LNX2: variants seen among roughly 807,000 people sequenced by gnomAD.
The protein encoded by LNX2 is ligand of Numb protein X 2.
Under a neutral mutation model 66.2 loss-of-function variants are expected in LNX2, and 35 were observed. The observed-to-expected ratio is 0.53, with a 90% CI of 0.40 to 0.70. The LOEUF (loss-of-function observed/expected upper bound fraction) is 0.70, where lower values mean the gene tolerates loss of function less well. Ranked by LOEUF, LNX2 falls within the 30% of genes least tolerant of loss-of-function variation. The probability of loss-of-function intolerance (pLI) is 0.00; values close to 1 mark genes in which losing one functional copy is unlikely to be tolerated. For synonymous variants in LNX2, 337 were observed against 315.6 expected, an observed-to-expected ratio of 1.07 and a Z score of -0.72; for missense variants, 791 against 850.8, an observed-to-expected ratio of 0.93 and a Z score of 0.87.
Position 27,550,459 on chromosome 13 carries a change from C to T in LNX2, c.1811G>A (p.Arg604Gln), listed in dbSNP as rs748832299. Reference protein sequence around the residue: ...TLHSCHDIVLRRSYLGSWGFS... With the variant: ...TLHSCHDIVLQRSYLGSWGFS... ...GCCCCAACTTCCCAAGTAACTTCTTCGTAAAACTATATCGTGGCAGCTATG... is the reference window on the plus strand; with the variant it reads ...GCCCCAACTTCCCAAGTAACTTCTTTGTAAAACTATATCGTGGCAGCTATG... The change falls in exon 9 of 10, where the codon CGA becomes CAA. Residue 604 changes from arginine to glutamine, a missense_variant. Physicochemically the swap from Arg to Gln is conservative, Grantham distance 43. Transcript: ENST00000316334. 1.5e-5 allele frequency: 25 copies of T among 1,613,722 alleles called. No homozygotes were observed. The highest frequency in any genetic ancestry group is 2.2e-5 in the East Asian group (1 of 44,872).
intron 1 of LNX2, among the ~76,000 whole-genome samples, chr13:27,583,255 T>TGTGCGCGCGC (rs1555268514): frequency 1.7e-5 from 1 of 58,530 alleles, no homozygotes. Flanking sequence ...TGTGTGTGTG[T>TGTGCGCGCGC]GCGCGCGTCC....
Position 27,615,357 on chromosome 13 carries a change from T to C in LNX2, c.-101+5018A>G, listed in dbSNP as rs559518754. On this transcript the variant is annotated intron_variant, in intron 1 of 9. Transcript: ENST00000316334. ...AGGTACGGGGAAGGGGTGCGGAGCG[T>C]CCATGCCCTCTCTGGGGCGTGTTAC... Among the ~76,000 whole-genome samples the C allele has an allele frequency of 5.9e-5, 9 of 152,332 alleles. No individual in the cohort carries two copies. The South Asian group carries it at 1.7e-3, about 28-fold the overall frequency.
chr13:27,570,897 C>A (rs774102910), intron 2 of LNX2, among the ~76,000 whole-genome samples: 1 of 152,106 alleles, frequency 6.6e-6, no homozygotes, highest in Non-Finnish European at 1.5e-5. Flanking sequence ...CAACTCTACA[C>A]CTTCACAAAC....
intron 1 of LNX2, among the ~76,000 whole-genome samples, chr13:27,595,826 TAATGGTATTTG>T (rs1019384220): frequency 6.6e-6 from 1 of 152,176 alleles, no homozygotes; most frequent in Non-Finnish European, 1.5e-5. Context: ...CCACCTCCCC[TAATGGTATTTG>T]TCACTTGTTA....
chr13:27,613,022 T>A (rs996252783), intron 1 of LNX2, among the ~76,000 whole-genome samples: 1 of 152,120 alleles, frequency 6.6e-6, no homozygotes, highest in Non-Finnish European at 1.5e-5. Context: ...ACAAATTGAC[T>A]GAAGGGTATG....
chr13:27,569,392 T>C (rs1955249795), intron 2 of LNX2, 116 bp from the exon 3 acceptor site: 4 of 1,063,308 alleles, frequency 3.8e-6, no homozygotes, highest in African/African-American at 1.6e-5. Flanking sequence ...GAAGTACCTA[T>C]AGGCAGCACA....
chr13:27,576,184 C>T (rs1483575250), intron 2 of LNX2, among the ~76,000 whole-genome samples: 1 of 151,998 alleles, frequency 6.6e-6, no homozygotes, highest in Non-Finnish European at 1.5e-5. Flanking sequence ...CCCCAAAATA[C>T]GTAAGTAAAA....
intron 1 of LNX2, among the ~76,000 whole-genome samples, chr13:27,593,671 G>A (rs12867052): frequency 0.11 from 15,853 of 148,958 alleles, 1,042 homozygotes; most frequent in Non-Finnish European, 0.14. Context: ...GGGTTCAAGC[G>A]ATTCTCCTGC....
chr13:27,597,484 A>G (rs1955611586), intron 1 of LNX2, among the ~76,000 whole-genome samples: 1 of 152,160 alleles, frequency 6.6e-6, no homozygotes, highest in African/African-American at 2.4e-5. Flanking sequence ...GATGCACTCT[A>G]TGTGGGTATA....
chr13:27,564,948 G>C (rs1314442805), intron 4 of LNX2, among the ~76,000 whole-genome samples: 1 of 152,206 alleles, frequency 6.6e-6, no homozygotes, highest in African/African-American at 2.4e-5. Flanking sequence ...AAGCCAACCA[G>C]AAGTCAGGGC....
At chr13:27,569,365 A>C in intron 2 of LNX2, 89 bp from the exon 3 acceptor site, 1 of 1,391,646 alleles carries the variant, frequency 7.2e-7, no homozygotes, top group South Asian at 1.4e-5. Flanking sequence ...CTTCTACACA[A>C]ACAGAACCAG....
intron 1 of LNX2, among the ~76,000 whole-genome samples, chr13:27,618,617 A>C (rs149035576): frequency 1.3e-5 from 2 of 152,316 alleles, no homozygotes; most frequent in East Asian, 3.9e-4. Flanking sequence ...AATCTGGTAT[A>C]AAAAATCCTT....
In LNX2 at chr13:27,546,421, C is replaced by T. The variant is rs908564425; in HGVS notation, c.*1914G>A. ...ATCAAAGCATTTCAAAATCAAACTG[C>T]TTCCAAAGCCAATCATCACACAACA... On this transcript the variant is annotated 3_prime_UTR_variant, in exon 10 of 10. Coordinates refer to ENST00000316334, the MANE Select transcript of LNX2 (RefSeq NM_153371.4). 2 of 152,208 alleles carry T rather than the reference C, an allele frequency of 1.3e-5. No individual in the cohort carries two copies. Among genetic ancestry groups the T allele is most frequent in the African/African-American group, 4.8e-5 (2 of 41,450 alleles). 9.4% of individuals were successfully genotyped at this position (152,208 alleles called of 1,614,324 possible). A position where few individuals can be genotyped will look rare whatever the true frequency, so the allele number is the denominator to read the frequency against.
At chr13:27,614,979 A>G (rs1955811234) in intron 1 of LNX2, among the ~76,000 whole-genome samples, 1 of 152,110 alleles carries the variant, frequency 6.6e-6, no homozygotes, top group Non-Finnish European at 1.5e-5. Flanking sequence ...TCATCAACAC[A>G]GAATACTTCT....
chr13:27,550,708 G>GACAC (rs112963516), intron 8 of LNX2, among the ~76,000 whole-genome samples: 2 of 151,384 alleles, frequency 1.3e-5, no homozygotes, highest in South Asian at 4.2e-4. Flanking sequence ...CCCAAGTGAA[G>GACAC]ACACACACAC....
At position 27,561,988 on chromosome 13, in the gene LNX2, A is replaced by T. The variant is rs1175512373; in HGVS notation, c.1224+425T>A. Reference sequence around the variant, plus strand: ...AACAACAACAAAGCACTATAGAGATAAGAGTTATTCTTCCTCTATTTATAT... The same window carrying T: ...AACAACAACAAAGCACTATAGAGATTAGAGTTATTCTTCCTCTATTTATAT... On this transcript the variant is annotated intron_variant, in intron 5 of 9. Coordinates refer to ENST00000316334, the MANE Select transcript of LNX2 (RefSeq NM_153371.4). Among the ~76,000 whole-genome samples the T allele has an allele frequency of 2.0e-5, 3 of 152,230 alleles. No homozygotes were observed. The East Asian group carries it at 5.8e-4, about 29-fold the overall frequency.
At chr13:27,603,058 T>A (rs1266520946) in intron 1 of LNX2, among the ~76,000 whole-genome samples, 1 of 152,170 alleles carries the variant, frequency 6.6e-6, no homozygotes, top group African/African-American at 2.4e-5. Context: ...TTTCATTCAG[T>A]GCCTCATGAA....
intron 2 of LNX2, among the ~76,000 whole-genome samples, chr13:27,571,053 T>G (rs1955273473): frequency 6.6e-6 from 1 of 152,056 alleles, no homozygotes; most frequent in African/African-American, 2.4e-5. Context: ...TAAAGAAAAA[T>G]ATTAAAAATG....
Position 27,548,295 on chromosome 13 carries a change from A to G in LNX2, c.*40T>C. On this transcript the variant is annotated 3_prime_UTR_variant, in exon 10 of 10. Transcript: ENST00000316334. ...CCAAAGGGTTTTCTTTCAAAAATCT[A>G]AAAAAGGAAGATGCAAGATTTGAAA... 6.3e-7 allele frequency: 1 copy of G among 1,585,696 alleles called. No individual in the cohort carries two copies. Among genetic ancestry groups the G allele is most frequent in the Non-Finnish European group, 8.6e-7 (1 of 1,163,738 alleles).
Sources: allele counts gnomAD v4.1 joint callset (sites outside exome capture counted in the v4.1 genomes callset), GRCh38; gene constraint gnomAD v4.1.1; transcripts MANE v1.5; gene names NCBI Gene and HGNC (gene_info 2026-07-23, HGNC 2026-07-21).